CACNA1C: variants seen among roughly 807,000 people sequenced by gnomAD.
CACNA1C encodes the protein calcium voltage-gated channel subunit alpha1 C.
Under a neutral mutation model 229.0 loss-of-function variants are expected in CACNA1C, and 30 were observed. That is an observed-to-expected ratio of 0.13 (90% CI 0.10 to 0.18). CACNA1C has a LOEUF of 0.18. CACNA1C is among the 10% of genes least tolerant of loss of function. CACNA1C has a pLI of 1.00. For missense variants in CACNA1C, 1,658 were observed against 2,845.0 expected (o/e 0.58, Z 9.49); for synonymous variants, 1,114 against 1,132.5 (o/e 0.98, Z 0.33).
At chr12:1,990,301 CTAACTT>C (rs1439347873) in intron 1 of CACNA1C, among the ~76,000 whole-genome samples, 1 of 152,176 alleles carries the variant, frequency 6.6e-6, no homozygotes, top group East Asian at 1.9e-4. Flanking sequence ...AATGTTTGCC[CTAACTT>C]TAACAGCTAT....
intron 9 of CACNA1C, among the ~76,000 whole-genome samples, chr12:2,520,871 G>A (rs113472020): frequency 1.3e-5 from 2 of 152,310 alleles, no homozygotes; most frequent in Non-Finnish European, 2.9e-5. Context: ...ACCAATGGCC[G>A]TGTGCTTCAG....
chr12:2,297,143 A>G (rs910908435), intron 3 of CACNA1C, among the ~76,000 whole-genome samples: 9 of 152,224 alleles, frequency 5.9e-5, no homozygotes, highest in Admixed American at 2.0e-4. Context: ...CGATTGCATG[A>G]GCAGGCTTCT....
intron 3 of CACNA1C, among the ~76,000 whole-genome samples, chr12:2,302,952 CG>C (rs2094689156): frequency 6.6e-6 from 1 of 152,194 alleles, no homozygotes; most frequent in Non-Finnish European, 1.5e-5. Flanking sequence ...GGGGCTCTTG[CG>C]GCCCCGGGAG....
intron 38 of CACNA1C, among the ~76,000 whole-genome samples, chr12:2,671,019 CTT>C (rs201234888): frequency 9.1e-5 from 13 of 142,686 alleles, no homozygotes; most frequent in Admixed American, 2.1e-4. Context: ...CCAAAACACA[CTT>C]TTTTTTTTTT....
chr12:2,387,238 A>G (rs2098407032), intron 3 of CACNA1C, among the ~76,000 whole-genome samples: 1 of 152,168 alleles, frequency 6.6e-6, no homozygotes, highest in African/African-American at 2.4e-5. Flanking sequence ...TAATCTCAGC[A>G]CTTTAGGAGG....
intron 30 of CACNA1C, chr12:2,641,602 T>A: frequency 1.2e-4 from 67 of 576,000 alleles, no homozygotes; most frequent in Non-Finnish European, 1.6e-4. Flanking sequence ...CCAACAAACC[T>A]AATGCTACCA....
chr12:2,166,694 G>A (rs1182884276), intron 3 of CACNA1C, among the ~76,000 whole-genome samples: 2 of 152,140 alleles, frequency 1.3e-5, no homozygotes, highest in Non-Finnish European at 2.9e-5. Flanking sequence ...TAAATGCTTG[G>A]CATTGTGCCT....
At chr12:2,069,720 T>G (rs2060535451) in intron 1 of CACNA1C, among the ~76,000 whole-genome samples, 1 of 152,214 alleles carries the variant, frequency 6.6e-6, no homozygotes, top group South Asian at 2.1e-4. Flanking sequence ...TCAAAGGGAT[T>G]GATGGAAATA....
intron 3 of CACNA1C, among the ~76,000 whole-genome samples, chr12:2,231,314 AATGG>A (rs1236936592): frequency 1.3e-5 from 2 of 152,328 alleles, no homozygotes; most frequent in Non-Finnish European, 2.9e-5. Context: ...TCTAACGTTA[AATGG>A]ATGCATGTGG....
chr12:2,084,876 C>T (rs770386435), intron 1 of CACNA1C, among the ~76,000 whole-genome samples: 1 of 152,104 alleles, frequency 6.6e-6, no homozygotes, highest in Admixed American at 6.6e-5. Flanking sequence ...TAAGTATAGT[C>T]CTTTACATTG....
intron 26 of CACNA1C, 199 bp downstream of exon 26, chr12:2,607,329 AG>A: frequency 1.8e-6 from 1 of 558,632 alleles, no homozygotes; most frequent in Non-Finnish European, 3.0e-6. Context: ...TTTCTCTAGA[AG>A]GTGTCAAGAA....
intron 29 of CACNA1C, among the ~76,000 whole-genome samples, chr12:2,627,932 A>G (rs866855734): frequency 2.1e-4 from 32 of 152,230 alleles, no homozygotes; most frequent in African/African-American, 4.8e-4. Flanking sequence ...CGGGGAACTC[A>G]GGAGCTGGCT....
chr12:2,057,207 G>T (rs982957373), intron 1 of CACNA1C, among the ~76,000 whole-genome samples: 1 of 152,206 alleles, frequency 6.6e-6, no homozygotes, highest in South Asian at 2.1e-4. Context: ...CTATCAAAGG[G>T]ATCCAAGGAG....
At position 2,679,913 on chromosome 12, in the gene CACNA1C, G is replaced by A. The variant is rs2097044330; in HGVS notation, c.5444+117G>A. The A allele has an allele frequency of 2.7e-6, 2 of 747,172 alleles. No homozygotes were observed. Among genetic ancestry groups the A allele is most frequent in the South Asian group, 3.8e-5 (2 of 52,794 alleles). The allele number at this position is 747,172 out of a possible 1,614,324, so 46.3% of individuals were successfully genotyped here. ...CCACTTGTCCCTCAAGCTTCCAGGA[G>A]GTTGCTGCCCCAGACTCCAGCAAGA... On this transcript the variant is annotated intron_variant, in intron 42 of 46. Transcript: ENST00000399655. The surrounding 1 kb of genome is among the most constrained non-coding windows in gnomAD (Gnocchi z 5.5).
chr12:2,187,187 TTCTG>T (rs955989339), intron 3 of CACNA1C, among the ~76,000 whole-genome samples: 5 of 152,190 alleles, frequency 3.3e-5, no homozygotes, highest in African/African-American at 1.2e-4. Context: ...AGTGAATATT[TTCTG>T]TCTTATGGTT....
chr12:2,668,897 G>A, intron 37 of CACNA1C, 36 bp from the exon 38 acceptor site: 1 of 1,439,104 alleles, frequency 6.9e-7, no homozygotes, highest in South Asian at 1.1e-5. Context: ...AGCACCGCCT[G>A]CCATCATCAC....
At chr12:2,628,873 C>T (rs1050974274) in intron 29 of CACNA1C, among the ~76,000 whole-genome samples, 1 of 152,138 alleles carries the variant, frequency 6.6e-6, no homozygotes, top group African/African-American at 2.4e-5. Context: ...TTAAAGTGAA[C>T]ATTTTTTTTA....
At chr12:2,620,319 A>G (rs189180548) in intron 29 of CACNA1C, among the ~76,000 whole-genome samples, 45 of 152,300 alleles carry the variant, frequency 3.0e-4, no homozygotes, top group South Asian at 6.2e-4. Flanking sequence ...CTGGGATTCT[A>G]TTGCAGGCTT....
chr12:2,035,668 T>G (rs923768117), intron 1 of CACNA1C, among the ~76,000 whole-genome samples: 12 of 152,232 alleles, frequency 7.9e-5, no homozygotes, highest in Non-Finnish European at 1.3e-4. Context: ...TATGTGCACC[T>G]GCAGCCAGGT....
Sources: gnomAD v4.1 joint callset for allele counts (sites outside exome capture counted in the v4.1 genomes callset) on GRCh38, gnomAD v4.1.1 for gene constraint, Gnocchi (gnomAD v3.1) non-coding constraint, MANE v1.5 for transcripts, NCBI Gene and HGNC (gene_info 2026-07-23, HGNC 2026-07-21) for gene names.